CAMK4: variants seen among roughly 807,000 people sequenced by gnomAD.
CAMK4 encodes calcium/calmodulin-dependent protein kinase type IV.
CAMK4 carries 22 observed loss-of-function variants against 44.9 expected under a neutral mutation model. That is an observed-to-expected ratio of 0.49 (90% CI 0.35 to 0.70). The LOEUF (loss-of-function observed/expected upper bound fraction) is 0.70, where lower values mean the gene tolerates loss of function less well. Ranked by LOEUF, CAMK4 falls within the 30% of genes least tolerant of loss-of-function variation. The pLI, the probability that CAMK4 is intolerant of heterozygous loss-of-function variation, is 0.01. For synonymous variants in CAMK4, 218 were observed against 215.4 expected, an observed-to-expected ratio of 1.01 and a Z score of -0.11; for missense variants, 498 against 586.8, an observed-to-expected ratio of 0.85 and a Z score of 1.56.
At chr5:111,389,324 T>G (rs560641247) in intron 4 of CAMK4, among the ~76,000 whole-genome samples, 29 of 152,306 alleles carry the variant, frequency 1.9e-4, no homozygotes, top group African/African-American at 7.0e-4. Context: ...GTGATTAGGT[T>G]TCAACATATG....
intron 5 of CAMK4, among the ~76,000 whole-genome samples, chr5:111,408,116 AAGAG>A (rs57215459): frequency 0.14 from 20,362 of 149,308 alleles, 2,590 homozygotes; most frequent in African/African-American, 0.34. Flanking sequence ...CAAAGAAAGA[AAGAG>A]AGAGAGAGAG....
At chr5:111,327,823 G>T (rs1458767498) in intron 1 of CAMK4, among the ~76,000 whole-genome samples, 1 of 140,380 alleles carries the variant, frequency 7.1e-6, no homozygotes, top group Non-Finnish European at 1.6e-5. Flanking sequence ...AGAAGTGTCT[G>T]TTCATATCCT....
chr5:111,433,470 A>G (rs376788166), intron 5 of CAMK4, among the ~76,000 whole-genome samples: 18 of 152,308 alleles, frequency 1.2e-4, no homozygotes, highest in East Asian at 9.7e-4. Flanking sequence ...TATCTAGCAA[A>G]CAAGATAGAA....
chr5:111,385,216 T>C (rs910744909), intron 4 of CAMK4, among the ~76,000 whole-genome samples: 2 of 152,142 alleles, frequency 1.3e-5, no homozygotes, highest in African/African-American at 4.8e-5. Flanking sequence ...ATTGGCCCCA[T>C]ATTCAACTCT....
At chr5:111,411,202 C>T (rs1752620185) in intron 5 of CAMK4, among the ~76,000 whole-genome samples, 1 of 152,160 alleles carries the variant, frequency 6.6e-6, no homozygotes, top group Non-Finnish European at 1.5e-5. Flanking sequence ...AGATCCTTTA[C>T]CAAGACATGG....
intron 1 of CAMK4, among the ~76,000 whole-genome samples, chr5:111,258,741 G>A (rs1344966384): frequency 2.3e-4 from 4 of 17,248 alleles, no homozygotes; most frequent in African/African-American, 8.7e-4. Context: ...AGTTATCAGC[G>A]TGTGTGTGTG....
rs1755710391 is a variant in CAMK4 at position 111,488,546 on chromosome 5, T to C, written c.*4080T>C. On this transcript the variant is annotated 3_prime_UTR_variant, in exon 11 of 11. Coordinates refer to ENST00000282356, the MANE Select transcript of CAMK4 (RefSeq NM_001744.6). ...CCTATGTCCTGTTTCACATGCATGG[T>C]AACTGATGGTGGGTTGCCTACAGGC... 1 of 152,234 alleles carries C rather than the reference T, an allele frequency of 6.6e-6. No individual in the cohort carries two copies. Among genetic ancestry groups the C allele is most frequent in the Non-Finnish European group, 1.5e-5 (1 of 68,040 alleles). 9.4% of individuals were successfully genotyped at this position (152,234 alleles called of 1,614,324 possible). A position where few individuals can be genotyped will look rare whatever the true frequency, so the allele number is the denominator to read the frequency against.
chr5:111,462,689 T>C (rs1459244404), intron 7 of CAMK4, among the ~76,000 whole-genome samples: 1 of 152,200 alleles, frequency 6.6e-6, no homozygotes, highest in Non-Finnish European at 1.5e-5. Context: ...ATGACCAAAA[T>C]CGTCCCTTTT....
At chr5:111,447,563 A>C (rs73218024) in intron 6 of CAMK4, among the ~76,000 whole-genome samples, 17,857 of 152,228 alleles carry the variant, frequency 0.12, 2,847 homozygotes, top group African/African-American at 0.36. Context: ...TTAGAAAAAA[A>C]TAAATGTTAC....
intron 1 of CAMK4, among the ~76,000 whole-genome samples, chr5:111,334,130 A>G (rs1189045818): frequency 6.6e-6 from 1 of 151,580 alleles, no homozygotes; most frequent in African/African-American, 2.4e-5. Flanking sequence ...TATCATTAGT[A>G]TCATTCCTTG....
intron 5 of CAMK4, among the ~76,000 whole-genome samples, chr5:111,438,097 C>T (rs915731201): frequency 2.6e-5 from 4 of 152,138 alleles, no homozygotes; most frequent in African/African-American, 4.8e-5. Flanking sequence ...GAGAGAAAGT[C>T]AATTTTTGAC....
chr5:111,450,266 G>T (rs1326690584), intron 7 of CAMK4, among the ~76,000 whole-genome samples: 1 of 152,256 alleles, frequency 6.6e-6, no homozygotes, highest in Middle Eastern at 3.4e-3. Context: ...CCCAGGAGGC[G>T]GAGGTTGCAG....
intron 1 of CAMK4, among the ~76,000 whole-genome samples, chr5:111,328,739 T>G (rs1451564365): frequency 6.6e-6 from 1 of 152,040 alleles, no homozygotes; most frequent in Non-Finnish European, 1.5e-5. Flanking sequence ...CCCTTGTAAG[T>G]TGGATTCCTA....
At chr5:111,378,981 T>A (rs1226712328) in intron 4 of CAMK4, among the ~76,000 whole-genome samples, 2 of 110,492 alleles carry the variant, frequency 1.8e-5, no homozygotes, top group Non-Finnish European at 3.8e-5. Context: ...GGCTCCTTTT[T>A]CAACACCTCT....
intron 7 of CAMK4, among the ~76,000 whole-genome samples, chr5:111,469,156 AAAAAAAAAAAAAAAAAATATATAT>A (rs1331911513): frequency 9.8e-5 from 9 of 91,928 alleles, no homozygotes; most frequent in East Asian, 4.9e-4. Context: ...AAAAAAAAAA[AAAAAAAAAAAAAAAAAATATATAT>A]ATATATATAT....
intron 2 of CAMK4, among the ~76,000 whole-genome samples, chr5:111,371,494 A>C (rs1751003846): frequency 6.6e-6 from 1 of 152,136 alleles, no homozygotes; most frequent in Non-Finnish European, 1.5e-5. Context: ...TTAGATTGTA[A>C]TCTTACTTTA....
chr5:111,444,921 T>G (rs2112969169), intron 5 of CAMK4, among the ~76,000 whole-genome samples: 1 of 152,322 alleles, frequency 6.6e-6, no homozygotes, highest in East Asian at 1.9e-4. Flanking sequence ...ACACAATCTT[T>G]GCACTCCAGC....
intron 1 of CAMK4, among the ~76,000 whole-genome samples, chr5:111,311,450 T>C (rs1034506021): frequency 1.3e-5 from 2 of 152,170 alleles, no homozygotes; most frequent in Non-Finnish European, 2.9e-5. Context: ...AGATGATACG[T>C]TGATGGGCCC....
chr5:111,329,088 A>G (rs902566019), intron 1 of CAMK4, among the ~76,000 whole-genome samples: 12 of 151,952 alleles, frequency 7.9e-5, no homozygotes, highest in Non-Finnish European at 1.5e-4. Flanking sequence ...CAAATCAGTA[A>G]ATGTAATCCA....
Sources: gnomAD v4.1 joint callset for allele counts (sites outside exome capture counted in the v4.1 genomes callset) on GRCh38, gnomAD v4.1.1 for gene constraint, MANE v1.5 for transcripts, NCBI Gene and HGNC (gene_info 2026-07-23, HGNC 2026-07-21) for gene names.